The following MICU1 variants were observed in gnomAD, a reference collection of about 807,000 sequenced individuals.
The protein encoded by MICU1 is calcium uptake protein 1, mitochondrial.
MICU1 carries 45 observed loss-of-function variants against 56.8 expected under a neutral mutation model. The observed-to-expected ratio is 0.79, with a 90% CI of 0.62 to 1.02. MICU1 has a LOEUF of 1.02. Ranked by LOEUF, MICU1 falls within the 50% of genes least tolerant of loss-of-function variation. The pLI, the probability that MICU1 is intolerant of heterozygous loss-of-function variation, is 0.00. For synonymous variants in MICU1, 186 were observed against 195.1 expected (o/e 0.95, Z 0.39); for missense variants, 504 against 587.1 (o/e 0.86, Z 1.46).
At chr10:72,575,260 C>A (rs776757935) in intron 1 of MICU1, among the ~76,000 whole-genome samples, 1 of 152,126 alleles carries the variant, frequency 6.6e-6, no homozygotes, top group Non-Finnish European at 1.5e-5. Flanking sequence ...GCCTTCCTGG[C>A]CCTATTTTGT....
At position 72,431,677 on chromosome 10, in the gene MICU1, C is replaced by T. The variant is rs144940717; in HGVS notation, c.934-8306G>A. On this transcript the variant is annotated intron_variant, in intron 8 of 11. Coordinates refer to ENST00000361114, the MANE Select transcript of MICU1 (RefSeq NM_001195518.2). ...CAGCTATGTATAAGAGTGCCCACTG[C>T]TTTGCATCACCACCAGCACTTGGTA... Among the ~76,000 whole-genome samples, 428 of 152,310 alleles carry T rather than the reference C, an allele frequency of 2.8e-3. 3 individuals are homozygous for T. The highest frequency in any genetic ancestry group is 9.7e-3 in the African/African-American group (404 of 41,576).
At chr10:72,572,698 C>T (rs143327274) in intron 1 of MICU1, among the ~76,000 whole-genome samples, 113 of 151,892 alleles carry the variant, frequency 7.4e-4, no homozygotes, top group Middle Eastern at 3.4e-3. Flanking sequence ...AAAATGGCTC[C>T]GAAAACTGTG....
At chr10:72,588,593 T>C (rs1460123867) in intron 1 of MICU1, among the ~76,000 whole-genome samples, 2 of 152,088 alleles carry the variant, frequency 1.3e-5, no homozygotes, top group East Asian at 3.8e-4. Flanking sequence ...CAGTTAGACA[T>C]AAAAATTGGT....
At chr10:72,507,715 A>G (rs747335530) in intron 6 of MICU1, among the ~76,000 whole-genome samples, 17 of 152,084 alleles carry the variant, frequency 1.1e-4, no homozygotes, top group Non-Finnish European at 2.4e-4. Context: ...GCCTCATCTC[A>G]GCTCACTGCA....
rs559470196 is a variant in MICU1, at chr10:72,368,312, C to T, written c.1314G>A (p.Lys438=). The T allele has an allele frequency of 5.6e-6, 9 of 1,613,970 alleles. No individual in the cohort carries two copies. Among genetic ancestry groups the T allele is most frequent in the Non-Finnish European group, 7.6e-6 (9 of 1,179,858 alleles). The part of the protein sequence containing the change: ...LSNKEFVSIM[K]QRLMRGLEKP... ...TTTCCAGGCCTCTCATCAGCCGTTGCTTCATGATGGAAACAAATTCCTTAT... is the reference window on the plus strand; with the variant it reads ...TTTCCAGGCCTCTCATCAGCCGTTGTTTCATGATGGAAACAAATTCCTTAT... The change falls in exon 12 of 12, where the codon AAG becomes AAA. Residue 438 remains lysine, a synonymous_variant. Coordinates refer to ENST00000361114, the MANE Select transcript of MICU1 (RefSeq NM_001195518.2).
intron 9 of MICU1, among the ~76,000 whole-genome samples, chr10:72,411,125 A>C (rs1863796874): frequency 6.6e-6 from 1 of 152,186 alleles, no homozygotes; most frequent in African/African-American, 2.4e-5. Context: ...AGGACAAAAG[A>C]TAATACTGTA....
intron 8 of MICU1, among the ~76,000 whole-genome samples, chr10:72,458,035 C>T (rs1865526179): frequency 6.6e-6 from 1 of 151,828 alleles, no homozygotes. Flanking sequence ...CGCGTGGTGG[C>T]ACGTGCCTGT....
intron 1 of MICU1, among the ~76,000 whole-genome samples, chr10:72,595,309 G>C (rs1391589168): frequency 6.6e-6 from 1 of 151,520 alleles, no homozygotes. Context: ...AAAATTAGCC[G>C]GGCAGGGTGG....
intron 5 of MICU1, among the ~76,000 whole-genome samples, chr10:72,529,323 T>C (rs775949443): frequency 4.6e-5 from 7 of 152,026 alleles, no homozygotes; most frequent in Admixed American, 1.3e-4. Context: ...GGGGAATCAA[T>C]AGGTAGGAAA....
chr10:72,600,250 C>T (rs934466968), intron 1 of MICU1, among the ~76,000 whole-genome samples: 3 of 150,258 alleles, frequency 2.0e-5, no homozygotes, highest in Non-Finnish European at 2.9e-5. Flanking sequence ...CAAGACTGTG[C>T]CATTGCACTC....
intron 1 of MICU1, among the ~76,000 whole-genome samples, chr10:72,573,579 C>A (rs1295629523): frequency 6.6e-6 from 1 of 152,052 alleles, no homozygotes; most frequent in Non-Finnish European, 1.5e-5. Flanking sequence ...TTAGCATTTT[C>A]ATTTAAGTTT....
At chr10:72,615,588 A>G (rs1232059500) in intron 1 of MICU1, among the ~76,000 whole-genome samples, 2 of 152,142 alleles carry the variant, frequency 1.3e-5, no homozygotes, top group Non-Finnish European at 2.9e-5. Context: ...CTGATGTCTA[A>G]TCTGCCATTA....
chr10:72,372,256 T>C (rs1227467446), intron 11 of MICU1, among the ~76,000 whole-genome samples: 1 of 151,976 alleles, frequency 6.6e-6, no homozygotes, highest in African/African-American at 2.4e-5. Context: ...CCTCTGAAGC[T>C]ACTCAAGAGG....
chr10:72,587,587 T>C lies in MICU1; in HGVS notation c.-1-20793A>G, dbSNP rs546859446. On this transcript the variant is annotated intron_variant, in intron 1 of 11. Coordinates refer to ENST00000361114, the MANE Select transcript of MICU1 (RefSeq NM_001195518.2). ...GAGTTCAAGATCAGCCTGAGCAACA[T>C]GGTGAAACCCTGTCTCTACTAAATA... Among the ~76,000 whole-genome samples the C allele has an allele frequency of 6.6e-5, 10 of 151,526 alleles. No individual in the cohort carries two copies. The East Asian group carries it at 1.8e-3, about 27-fold the overall frequency.
intron 8 of MICU1, among the ~76,000 whole-genome samples, 174 bp downstream of exon 8, chr10:72,474,925 GA>G: frequency 1.3e-5 from 2 of 152,312 alleles, no homozygotes; most frequent in Middle Eastern, 6.8e-3. Context: ...TTCACTTCAT[GA>G]CATTTTCACA....
intron 8 of MICU1, among the ~76,000 whole-genome samples, chr10:72,426,937 T>C (rs1027192771): frequency 3.3e-5 from 5 of 152,324 alleles, no homozygotes; most frequent in East Asian, 3.9e-4. Flanking sequence ...AAAGTTCTAA[T>C]TGCATATTTG....
intron 5 of MICU1, among the ~76,000 whole-genome samples, chr10:72,511,562 C>A (rs577279494): frequency 2.2e-4 from 34 of 152,264 alleles, no homozygotes; most frequent in Admixed American, 1.9e-3. Flanking sequence ...GTTATAAAGG[C>A]AGTCATCTGA....
intron 10 of MICU1, among the ~76,000 whole-genome samples, chr10:72,387,332 G>A (rs1478078649): frequency 6.6e-6 from 1 of 152,108 alleles, no homozygotes; most frequent in African/African-American, 2.4e-5. Context: ...CTCACCCTAC[G>A]CTCTTACTAG....
At chr10:72,412,616 C>T (rs957114028) in intron 9 of MICU1, among the ~76,000 whole-genome samples, 21 of 145,532 alleles carry the variant, frequency 1.4e-4, no homozygotes, top group Middle Eastern at 4.4e-3. Flanking sequence ...TTTGGGAGGT[C>T]GAGGCGGCTC....
Sources: allele counts gnomAD v4.1 joint callset (sites outside exome capture counted in the v4.1 genomes callset), GRCh38; gene constraint gnomAD v4.1.1; transcripts MANE v1.5; gene names NCBI Gene and HGNC (gene_info 2026-07-23, HGNC 2026-07-21).